The following SSR3 variants were observed in gnomAD, a reference collection of about 807,000 sequenced individuals.
The protein encoded by SSR3 is translocon-associated protein subunit gamma.
SSR3 carries 10 observed loss-of-function variants against 22.1 expected under a neutral mutation model. The ratio of observed to expected loss-of-function variants is 0.45; its 90% CI spans 0.28 to 0.77. The LOEUF (loss-of-function observed/expected upper bound fraction) is 0.77. SSR3 is among the 30% of genes least tolerant of loss of function. The pLI is 0.13. For synonymous variants in SSR3, 104 were observed against 82.5 expected (o/e 1.26, Z -1.42); for missense variants, 181 against 220.5 (o/e 0.82, Z 1.13).
chr3:156,540,463 G>C lies in SSR3; in HGVS notation c.*2740C>G, dbSNP rs1005773652. Reference sequence around the variant, plus strand: ...TACTAAAAATACAAAAAAATTAGCCGGGTGTGGTGGCGGGCGCCTGTAGTC... The same window carrying C: ...TACTAAAAATACAAAAAAATTAGCCCGGTGTGGTGGCGGGCGCCTGTAGTC... On this transcript the variant is annotated 3_prime_UTR_variant, in exon 5 of 5. Coordinates refer to ENST00000265044, the MANE Select transcript of SSR3 (RefSeq NM_007107.5). 1.3e-5 allele frequency: 2 copies of C among 151,964 alleles called. No homozygotes were observed. Among genetic ancestry groups the C allele is most frequent in the African/African-American group, 4.8e-5 (2 of 41,368 alleles). 9.4% of individuals were successfully genotyped at this position (151,964 alleles called of 1,614,324 possible). A position where few individuals can be genotyped will look rare whatever the true frequency, so the allele number is the denominator to read the frequency against.
At chr3:156,553,503 T>G in intron 2 of SSR3, 152 bp downstream of exon 2, 1 of 746,516 alleles carries the variant, frequency 1.3e-6, no homozygotes, top group East Asian at 3.0e-5. Context: ...TAATAATTCT[T>G]CCTAGCATCA....
chr3:156,548,657 A>AT (rs1719843472), intron 3 of SSR3: 4 of 490,736 alleles, frequency 8.2e-6, no homozygotes, highest in African/African-American at 2.0e-5. Context: ...TAAAAAGGAG[A>AT]TAAAAATAGT....
At chr3:156,551,340 A>C (rs892041911) in intron 2 of SSR3, 3 of 152,224 alleles carry the variant, frequency 2.0e-5, no homozygotes. Context: ...GAATAAGTAA[A>C]GAATGACGAG....
At chr3:156,551,620 A>G (rs1404916619) in intron 2 of SSR3, 1 of 152,234 alleles carries the variant, frequency 6.6e-6, no homozygotes, top group Non-Finnish European at 1.5e-5. Context: ...TAGGGAGGAA[A>G]CTGCTAAGGC....
chr3:156,554,919 C>T (rs778615437), intron 1 of SSR3, 38 bp downstream of exon 1: 34 of 1,596,204 alleles, frequency 2.1e-5, no homozygotes, highest in Non-Finnish European at 2.6e-5. Flanking sequence ...CCCGACTAGC[C>T]GGCGGCCTGC....
At position 156,554,990 on chromosome 3, in the gene SSR3, C is replaced by G; in HGVS notation, c.100G>C (p.Gly34Arg). ...LSAKSSALFF[G>R]NAFIVSAIPI... The stretch of plus-strand genomic sequence containing the variant: ...ATGGCAGACACGATGAACGCGTTTC[C>G]GAAGAAGAGCGCGGAGGACTTGGCC... The change falls in exon 1 of 5, where the codon GGA (glycine) becomes CGA (arginine). Residue 34 changes from glycine to arginine, a missense_variant. Coordinates refer to ENST00000265044, the MANE Select transcript of SSR3 (RefSeq NM_007107.5). The G allele has an allele frequency of 6.2e-7, 1 of 1,613,994 alleles. No individual in the cohort carries two copies.
At chr3:156,543,419 T>C in intron 4 of SSR3, 150 bp from the exon 5 acceptor site, 1 of 548,378 alleles carries the variant, frequency 1.8e-6, no homozygotes, top group South Asian at 3.5e-5. Flanking sequence ...GCAAACACAA[T>C]TTGCAAGACA....
chr3:156,552,259 G>A (rs1719988425), intron 2 of SSR3, among the ~76,000 whole-genome samples: 1 of 151,360 alleles, frequency 6.6e-6, no homozygotes. Context: ...AGCCAAGATT[G>A]GGCCACTGCG....
At chr3:156,548,343 T>C (rs1719832462) in intron 3 of SSR3, among the ~76,000 whole-genome samples, 2 of 152,156 alleles carry the variant, frequency 1.3e-5, no homozygotes, top group South Asian at 2.1e-4. Flanking sequence ...TCCCAACCAA[T>C]ACAGATAACT....
At position 156,540,531 on chromosome 3, in the gene SSR3, G is replaced by C. The variant is rs1356756320; in HGVS notation, c.*2672C>G. 6.8e-6 allele frequency: 1 copy of C among 146,670 alleles called. No homozygotes were observed. The highest frequency in any genetic ancestry group is 2.5e-5 in the African/African-American group (1 of 39,666). 9.1% of individuals were successfully genotyped at this position (146,670 alleles called of 1,614,324 possible). A position where few individuals can be genotyped will look rare whatever the true frequency, so the allele number is the denominator to read the frequency against. ...TGAGGCAGGAGAATGGCGTGAACCTGGGAGGCGGAGCTCGCAGTGAGCCAA... is the reference window on the plus strand; with the variant it reads ...TGAGGCAGGAGAATGGCGTGAACCTCGGAGGCGGAGCTCGCAGTGAGCCAA... On this transcript the variant is annotated 3_prime_UTR_variant, in exon 5 of 5. Coordinates refer to ENST00000265044, the MANE Select transcript of SSR3 (RefSeq NM_007107.5).
intron 1 of SSR3, chr3:156,554,027 C>G: frequency 3.1e-6 from 1 of 323,572 alleles, no homozygotes; most frequent in East Asian, 5.0e-5. Context: ...ATTTCAACTT[C>G]TAAAATGAGA....
At chr3:156,544,960 A>G (rs867686771) in intron 3 of SSR3, among the ~76,000 whole-genome samples, 1 of 152,232 alleles carries the variant, frequency 6.6e-6, no homozygotes, top group Non-Finnish European at 1.5e-5. Flanking sequence ...ACAAAAAAAG[A>G]GCGCTTAATC....
intron 1 of SSR3, 79 bp downstream of exon 1, chr3:156,554,878 G>T: frequency 6.5e-7 from 1 of 1,535,330 alleles, no homozygotes. Flanking sequence ...CGCCTTCCCT[G>T]CTCGCCGGGT....
intron 4 of SSR3, 101 bp downstream of exon 4, chr3:156,544,207 G>A (rs1301832166): frequency 9.2e-7 from 1 of 1,084,976 alleles, no homozygotes; most frequent in Non-Finnish European, 1.3e-6. Flanking sequence ...CTGACTCCCA[G>A]AGCAGTTTTT....
chr3:156,548,266 G>A (rs1719830272), intron 3 of SSR3, among the ~76,000 whole-genome samples: 1 of 152,184 alleles, frequency 6.6e-6, no homozygotes. Context: ...AGAAAAAATT[G>A]GGACTAGGGG....
intron 2 of SSR3, among the ~76,000 whole-genome samples, chr3:156,551,961 T>TTGCA (rs1719974317): frequency 6.6e-6 from 1 of 152,088 alleles, no homozygotes; most frequent in Admixed American, 6.6e-5. Context: ...AGCAGATGAC[T>TTGCA]TGCATTCCAG....
intron 2 of SSR3, among the ~76,000 whole-genome samples, chr3:156,549,767 T>C (rs1156457424): frequency 6.6e-6 from 1 of 152,184 alleles, no homozygotes; most frequent in Non-Finnish European, 1.5e-5. Flanking sequence ...TTTTAAACCT[T>C]GTTACCCCAC....
chr3:156,554,757 G>C, intron 1 of SSR3, 200 bp downstream of exon 1: 1 of 645,712 alleles, frequency 1.5e-6, no homozygotes, highest in Admixed American at 3.1e-5. Flanking sequence ...TGACCTCCCC[G>C]AGTGCTGCAC....
In SSR3 at chr3:156,548,948, C is replaced by A; in HGVS notation, c.316G>T (p.Glu106Ter). ...VSKEVTRKLS[E>*]ADNRKMSRKE... ...CGAGACATCTTTCTATTATCAGCTTCAGAAAGTTTTCGAGTCACTTCTTTG... is the reference window on the plus strand; with the variant it reads ...CGAGACATCTTTCTATTATCAGCTTAAGAAAGTTTTCGAGTCACTTCTTTG... The change falls in exon 3 of 5, where the codon GAA (glutamate) becomes TAA (stop). Residue 106 changes from glutamate to a stop codon, truncating the protein, a stop_gained. Coordinates refer to ENST00000265044, the MANE Select transcript of SSR3 (RefSeq NM_007107.5). LOFTEE classifies it high-confidence loss of function. 1.9e-6 allele frequency: 3 copies of A among 1,613,500 alleles called. No homozygotes were observed. The highest frequency in any genetic ancestry group is 2.5e-6 in the Non-Finnish European group (3 of 1,179,844).
Sources: allele counts gnomAD v4.1 joint callset (sites outside exome capture counted in the v4.1 genomes callset), GRCh38; gene constraint gnomAD v4.1.1; transcripts MANE v1.5; gene names NCBI Gene and HGNC (gene_info 2026-07-23, HGNC 2026-07-21).